The following SPRY3 variants were observed in gnomAD, a reference collection of about 807,000 sequenced individuals.
SPRY3 encodes protein sprouty homolog 3.
In SPRY3, 15 loss-of-function variants were observed where a neutral mutation model predicts 20.2. The observed-to-expected ratio is 0.74, with a 90% CI of 0.50 to 1.14. SPRY3 has a LOEUF of 1.14. SPRY3 is among the 50% of genes most tolerant of loss of function. SPRY3 has a pLI of 0.00. For missense variants in SPRY3, 364 were observed against 363.9 expected, an observed-to-expected ratio of 1.00 and a Z score of 0.00; for synonymous variants, 143 against 136.5, an observed-to-expected ratio of 1.05 and a Z score of -0.33.
At chrX:155,774,539 C>A (rs2124018053) in exon 4 of SPRY3, 1 of 1,614,016 alleles carries the variant, frequency 6.2e-7, no homozygotes, top group Non-Finnish European at 8.5e-7. Context: ...GTCCGCTGGG[C>A]AGCCATGAGC....
In SPRY3 at chrX:155,774,326, G is replaced by A. The variant is rs146031045; in HGVS notation, c.455G>A (p.Arg152His). The A allele has an allele frequency of 3.2e-5, 52 of 1,613,904 alleles. 1 individual carries two copies. The highest frequency in any genetic ancestry group is 9.9e-5 in the South Asian group (9 of 91,080). ...CTCTTCATCTGTGAGGAATGTGGGC[G>A]CTGCAAGTGCGTCCCCTGCACAGCA... Residue 152 changes from arginine (R) to histidine (H), a missense_variant, in exon 4 of 4, where the codon CGC becomes CAC. Physicochemically the swap from Arg to His is conservative, Grantham distance 29. Transcript: ENST00000675360.
rs143786404 is a variant in SPRY3 at position 155,727,729 on chromosome X, T to C, written c.-281-40233T>C. Among the ~76,000 whole-genome samples the C allele has an allele frequency of 7.2e-3, 1,100 of 152,282 alleles. 11 individuals carry two copies. The highest frequency in any genetic ancestry group is 0.058 in the Middle Eastern group (17 of 294). ...CTTTTTTCAAGGTTTTTAGCTTCCTTGAAATGGGTTAGAATGTGCTTCTTT... is the reference window on the plus strand; with the variant it reads ...CTTTTTTCAAGGTTTTTAGCTTCCTCGAAATGGGTTAGAATGTGCTTCTTT... On this transcript the variant is annotated intron_variant, in intron 2 of 3. Coordinates refer to ENST00000675360, the Ensembl canonical transcript of SPRY3.
intron 2 of SPRY3, among the ~76,000 whole-genome samples, chrX:155,692,405 T>C (rs1303894530): frequency 9.0e-6 from 1 of 111,724 alleles, no homozygotes; most frequent in Non-Finnish European, 1.9e-5. Flanking sequence ...ATGTCTATGC[T>C]TTCACCAATG....
intron 2 of SPRY3, among the ~76,000 whole-genome samples, chrX:155,726,545 G>T (rs1403035426): frequency 6.6e-6 from 1 of 152,116 alleles, no homozygotes; most frequent in Non-Finnish European, 1.5e-5. Flanking sequence ...AGCTCTTCTT[G>T]TTGAATTTAT....
intron 2 of SPRY3, among the ~76,000 whole-genome samples, chrX:155,661,421 TC>T (rs1211384882): frequency 9.0e-6 from 1 of 111,693 alleles, no homozygotes; most frequent in Non-Finnish European, 1.9e-5. Flanking sequence ...GGGATTTCCT[TC>T]ATAGGTGATT....
chrX:155,673,854 T>C (rs896199342), intron 2 of SPRY3, among the ~76,000 whole-genome samples: 7 of 112,161 alleles, frequency 6.2e-5, no homozygotes, highest in Non-Finnish European at 1.1e-4. Flanking sequence ...GGATTCCTCC[T>C]CCAGGTTCCA....
At chrX:155,714,048 TAA>T (rs1357628257) in intron 2 of SPRY3, among the ~76,000 whole-genome samples, 3 of 152,172 alleles carry the variant, frequency 2.0e-5, no homozygotes, top group Non-Finnish European at 4.4e-5. Context: ...TGATTCTTTT[TAA>T]GTTTTTAAAT....
At chrX:155,655,455 A>G (rs904252953) in intron 1 of SPRY3, among the ~76,000 whole-genome samples, 3 of 111,346 alleles carry the variant, frequency 2.7e-5, no homozygotes, top group African/African-American at 6.5e-5. Flanking sequence ...AAGAGTTTTC[A>G]TAGGTGTTCT....
intron 2 of SPRY3, among the ~76,000 whole-genome samples, chrX:155,717,748 A>G (rs2091032547): frequency 6.6e-6 from 1 of 152,042 alleles, no homozygotes; most frequent in Non-Finnish European, 1.5e-5. Flanking sequence ...ATCCTTTTTT[A>G]TGGCTGCAGG....
chrX:155,745,560 CA>C (rs994054242), intron 2 of SPRY3, among the ~76,000 whole-genome samples: 1 of 151,852 alleles, frequency 6.6e-6, no homozygotes, highest in Non-Finnish European at 1.5e-5. Flanking sequence ...GTCTTCCAAA[CA>C]AAAAATCATC....
chrX:155,638,141 C>T (rs1257650117), intron 1 of SPRY3, among the ~76,000 whole-genome samples: 2 of 102,246 alleles, frequency 2.0e-5, no homozygotes, highest in Non-Finnish European at 3.9e-5. Context: ...AGTGGGTATC[C>T]CAGCCAGCAC....
At chrX:155,632,739 T>C (rs2067910614) in intron 1 of SPRY3, among the ~76,000 whole-genome samples, 1 of 112,419 alleles carries the variant, frequency 8.9e-6, no homozygotes, top group Non-Finnish European at 1.9e-5. Context: ...CTAGACTAGA[T>C]TCAAGGCATG....
At chrX:155,720,600 C>CAG (rs761644090) in intron 2 of SPRY3, among the ~76,000 whole-genome samples, 36 of 152,126 alleles carry the variant, frequency 2.4e-4, no homozygotes, top group Admixed American at 1.1e-3. Flanking sequence ...GCTCAGAACA[C>CAG]AGAGAGAGAG....
intron 2 of SPRY3, among the ~76,000 whole-genome samples, chrX:155,716,032 G>A (rs916034095): frequency 2.0e-5 from 3 of 152,126 alleles, no homozygotes; most frequent in African/African-American, 7.2e-5. Context: ...CAGGTACCGT[G>A]ATTGCTCATC....
chrX:155,773,869 A>C, exon 4 of SPRY3: 1 of 1,611,792 alleles, frequency 6.2e-7, no homozygotes, highest in Non-Finnish European at 8.5e-7. Context: ...AAATCAAGGC[A>C]AAATGGATGC....
chrX:155,704,963 A>C (rs2090939977), intron 2 of SPRY3, among the ~76,000 whole-genome samples: 1 of 151,602 alleles, frequency 6.6e-6, no homozygotes, highest in African/African-American at 2.4e-5. Flanking sequence ...AGACAAGCAA[A>C]AACTGAGATA....
chrX:155,699,152 T>C (rs2068128105), intron 2 of SPRY3, among the ~76,000 whole-genome samples: 2 of 112,108 alleles, frequency 1.8e-5, no homozygotes, highest in African/African-American at 6.5e-5. Context: ...ACAGTGTCTC[T>C]ATAGATAATC....
intron 2 of SPRY3, among the ~76,000 whole-genome samples, chrX:155,710,966 A>T (rs1199908325): frequency 6.6e-6 from 1 of 151,712 alleles, no homozygotes; most frequent in Admixed American, 6.6e-5. Context: ...TATCACATTG[A>T]TTGACTTGCA....
At chrX:155,651,037 G>T (rs2067975741) in intron 1 of SPRY3, among the ~76,000 whole-genome samples, 1 of 109,552 alleles carries the variant, frequency 9.1e-6, no homozygotes, top group Admixed American at 9.7e-5. Context: ...ATGTATCAGT[G>T]ATCCAGTTTC....
Sources: gnomAD v4.1 joint callset for allele counts (sites outside exome capture counted in the v4.1 genomes callset) on GRCh38, gnomAD v4.1.1 for gene constraint, MANE v1.5 for transcripts, NCBI Gene and HGNC (gene_info 2026-07-23, HGNC 2026-07-21) for gene names.